PRKN: variants seen among roughly 807,000 people sequenced by gnomAD.
PRKN encodes the protein parkin RBR E3 ubiquitin protein ligase.
Under a neutral mutation model 59.5 loss-of-function variants are expected in PRKN, and 56 were observed. The observed-to-expected ratio is 0.94, with a 90% confidence interval of 0.76 to 1.18. PRKN has a LOEUF of 1.18. Among genes scored for constraint, PRKN ranks in the 50% most tolerant of loss-of-function variants. PRKN has a pLI of 0.00. For missense variants in PRKN, 657 were observed against 596.4 expected (o/e 1.10, Z -1.06); for synonymous variants, 250 against 222.1 (o/e 1.13, Z -1.12).
chr6:161,652,567 C>T (rs1318774279), intron 7 of PRKN, among the ~76,000 whole-genome samples: 1 of 152,062 alleles, frequency 6.6e-6, no homozygotes, highest in South Asian at 2.1e-4. Context: ...CAATGTGTAG[C>T]GATAAGGGAT....
chr6:162,372,437 A>G (rs1197707950), intron 2 of PRKN, among the ~76,000 whole-genome samples: 2 of 152,152 alleles, frequency 1.3e-5, no homozygotes, highest in African/African-American at 2.4e-5. Context: ...GATCCTCACG[A>G]CAGCCCTGTA....
At chr6:162,618,416 C>T (rs138329160) in intron 1 of PRKN, among the ~76,000 whole-genome samples, 184 of 152,252 alleles carry the variant, frequency 1.2e-3, no homozygotes, top group African/African-American at 4.3e-3. Flanking sequence ...GTACTGTGAT[C>T]ACCAATGACT....
chr6:162,011,931 G>C (rs1030639283), intron 5 of PRKN, among the ~76,000 whole-genome samples: 1 of 151,882 alleles, frequency 6.6e-6, no homozygotes, highest in East Asian at 1.9e-4. Flanking sequence ...ATGGATAGCA[G>C]AGATTTAGGT....
intron 9 of PRKN, among the ~76,000 whole-genome samples, chr6:161,511,697 A>G (rs1439349436): frequency 6.6e-6 from 1 of 152,170 alleles, no homozygotes; most frequent in Non-Finnish European, 1.5e-5. Flanking sequence ...GTGACCAGAC[A>G]ATCCTTTAAA....
At chr6:162,620,098 G>C (rs184687558) in intron 1 of PRKN, among the ~76,000 whole-genome samples, 1 of 152,032 alleles carries the variant, frequency 6.6e-6, no homozygotes, top group Non-Finnish European at 1.5e-5. Flanking sequence ...TTCTATGGAA[G>C]ATAAAGAATT....
intron 7 of PRKN, among the ~76,000 whole-genome samples, chr6:161,771,355 CAA>C (rs1208813487): frequency 0.024 from 493 of 20,688 alleles, 11 homozygotes; most frequent in African/African-American, 0.045. Flanking sequence ...GACTCCACCT[CAA>C]AAAAAAAAAA....
chr6:161,921,507 T>C (rs1778785188), intron 6 of PRKN, among the ~76,000 whole-genome samples: 1 of 152,234 alleles, frequency 6.6e-6, no homozygotes, highest in African/African-American at 2.4e-5. Flanking sequence ...TTTATATGAC[T>C]GGCAGCACAG....
chr6:161,891,029 C>T (rs1433352007), intron 6 of PRKN, among the ~76,000 whole-genome samples: 1 of 152,158 alleles, frequency 6.6e-6, no homozygotes, highest in Non-Finnish European at 1.5e-5. Flanking sequence ...ACTCTTGCTA[C>T]AAAGCGGGAA....
At chr6:161,790,274 A>C (rs3019430) in intron 6 of PRKN, among the ~76,000 whole-genome samples, 131,870 of 152,134 alleles carry the variant, frequency 0.87, 57,784 homozygotes, top group East Asian at 0.95. Flanking sequence ...AACAGAAGAG[A>C]AATCAGGTGG....
intron 2 of PRKN, among the ~76,000 whole-genome samples, chr6:162,328,585 C>A (rs1263291491): frequency 6.6e-6 from 1 of 152,152 alleles, no homozygotes; most frequent in African/African-American, 2.4e-5. Context: ...AATAAAGGGC[C>A]GTGCAGACGT....
At chr6:161,416,134 G>C (rs1373112652) in intron 9 of PRKN, among the ~76,000 whole-genome samples, 1 of 152,154 alleles carries the variant, frequency 6.6e-6, no homozygotes, top group African/African-American at 2.4e-5. Context: ...ACAGAGGTCA[G>C]CGAACCACTT....
At chr6:162,657,221 G>C (rs997215989) in intron 1 of PRKN, among the ~76,000 whole-genome samples, 1 of 152,158 alleles carries the variant, frequency 6.6e-6, no homozygotes, top group African/African-American at 2.4e-5. Context: ...ATCCTTGACA[G>C]AGCCAGTGTT....
chr6:162,325,319 T>G (rs1383665783), intron 2 of PRKN, among the ~76,000 whole-genome samples: 1 of 152,178 alleles, frequency 6.6e-6, no homozygotes, highest in Admixed American at 6.6e-5. Flanking sequence ...TCTGTGCTAT[T>G]GACTATCCTC....
intron 6 of PRKN, among the ~76,000 whole-genome samples, chr6:161,813,492 C>A (rs1002694816): frequency 2.6e-5 from 4 of 152,194 alleles, no homozygotes; most frequent in Non-Finnish European, 4.4e-5. Context: ...ACCTGTCTGG[C>A]CTTCCATAAT....
At chr6:161,375,132 G>T (rs1050659999) in intron 10 of PRKN, among the ~76,000 whole-genome samples, 2 of 152,072 alleles carry the variant, frequency 1.3e-5, no homozygotes, top group Non-Finnish European at 2.9e-5. Flanking sequence ...CAGGGGACCC[G>T]CAGGCCATGC....
chr6:162,159,827 TG>T (rs1241019132), intron 4 of PRKN, among the ~76,000 whole-genome samples: 1 of 152,154 alleles, frequency 6.6e-6, no homozygotes, highest in Non-Finnish European at 1.5e-5. Flanking sequence ...TTTGGCAAAA[TG>T]TAAGTGTAAT....
rs562830618 is a variant in PRKN, at chr6:161,965,821, G to A, written c.734+7481C>T. On this transcript the variant is annotated intron_variant, in intron 6 of 11. Coordinates refer to ENST00000366898, the MANE Select transcript of PRKN (RefSeq NM_004562.3). ...CTAAAGACCTGGGAGGGATAGAAAG[G>A]GAATGTTCAGGTTAAGACAAAAGAC... is the stretch of plus-strand genomic sequence containing the variant. 2.6e-5 allele frequency among the ~76,000 whole-genome samples: 4 copies of A among 152,158 alleles called. No individual in the cohort carries two copies. In the South Asian group the frequency reaches 8.3e-4, roughly 31 times the overall value.
intron 2 of PRKN, among the ~76,000 whole-genome samples, chr6:162,309,308 G>A (rs983541968): frequency 6.6e-6 from 1 of 152,118 alleles, no homozygotes; most frequent in Non-Finnish European, 1.5e-5. Context: ...GGGATCACAG[G>A]TGCCTGCCAC....
chr6:161,806,867 C>T (rs754087525), intron 6 of PRKN, among the ~76,000 whole-genome samples: 6 of 152,104 alleles, frequency 3.9e-5, no homozygotes, highest in South Asian at 2.1e-4. Flanking sequence ...AAGAGAGTCA[C>T]GCAGGATCAA....
Sources: gnomAD v4.1 joint callset for allele counts (sites outside exome capture counted in the v4.1 genomes callset) on GRCh38, gnomAD v4.1.1 for gene constraint, MANE v1.5 for transcripts, NCBI Gene and HGNC (gene_info 2026-07-23, HGNC 2026-07-21) for gene names.